ZHX1: variants seen among roughly 807,000 people sequenced by gnomAD.
ZHX1 encodes zinc fingers and homeoboxes 1.
Under a neutral mutation model 61.8 loss-of-function variants are expected in ZHX1, and 20 were observed. That is an observed-to-expected ratio of 0.32 (90% CI 0.23 to 0.47). ZHX1 has a LOEUF of 0.47. Among genes scored for constraint, ZHX1 ranks in the 20% least tolerant of loss-of-function variants. The pLI, the probability that ZHX1 is intolerant of heterozygous loss-of-function variation, is 1.00. For synonymous variants in ZHX1, 318 were observed against 352.6 expected (o/e 0.90, Z 1.10); for missense variants, 800 against 1,034.8 (o/e 0.77, Z 3.11).
rs117783348 is a variant in ZHX1 at position 123,266,375 on chromosome 8, C to T, written c.-226+898G>A. Among the ~76,000 whole-genome samples the T allele has an allele frequency of 1.6e-3, 242 of 152,232 alleles. 2 individuals carry two copies. The highest frequency in any genetic ancestry group is 6.0e-3 in the South Asian group (29 of 4,822). The stretch of plus-strand genomic sequence containing the variant: ...ATGGTAAGGTAACTGTTACCCACTT[C>T]ACTGAGGATATAATGATTTGATTTT... On this transcript the variant is annotated intron_variant, in intron 2 of 3. Transcript: ENST00000395571.
chr8:123,258,640 G>C (rs796848367), intron 2 of ZHX1, among the ~76,000 whole-genome samples: 1 of 152,112 alleles, frequency 6.6e-6, no homozygotes, highest in Admixed American at 6.5e-5. Context: ...TTATTAAATT[G>C]ACTAGAATGA....
Position 123,256,033 on chromosome 8 carries a change from T to A in ZHX1, c.-87A>T. 1 of 1,326,298 alleles carries A rather than the reference T, an allele frequency of 7.5e-7. No homozygotes were observed. Among genetic ancestry groups the A allele is most frequent in the South Asian group, 1.7e-5 (1 of 58,224 alleles). The allele number at this position is 1,326,298 out of a possible 1,614,324, so 82.2% of individuals were successfully genotyped here. A position where few individuals can be genotyped will look rare whatever the true frequency, so the allele number is the denominator to read the frequency against. ...GTGTTCTTCATTTGAAAACAATGGC[T>A]TTTGGTTCTTCAAGTCCATTTTTGT... is the stretch of plus-strand genomic sequence containing the variant. On this transcript the variant is annotated 5_prime_UTR_variant, in exon 3 of 4. It adds an upstream start codon to the 5' untranslated region. Coordinates refer to ENST00000395571, the MANE Select transcript of ZHX1 (RefSeq NM_007222.5).
Position 123,250,162 on chromosome 8 carries a change from T to TGG in ZHX1, c.*161_*162insCC, listed in dbSNP as rs1196745474. Reference sequence around the variant, plus strand: ...TTCCACCAACTGCAGTAGTTTAACTTTGGCACAACATTAAGTTCCATTTCT... The same window carrying TGG: ...TTCCACCAACTGCAGTAGTTTAACTTGGTGGCACAACATTAAGTTCCATTTCT... On this transcript the variant is annotated 3_prime_UTR_variant, in exon 4 of 4. Coordinates refer to ENST00000395571, the MANE Select transcript of ZHX1 (RefSeq NM_007222.5). 1 of 433,476 alleles carries TGG rather than the reference T, an allele frequency of 2.3e-6. No homozygotes were observed. The highest frequency in any genetic ancestry group is 2.0e-5 in the African/African-American group (1 of 48,978). 26.9% of individuals were successfully genotyped at this position (433,476 alleles called of 1,614,324 possible). A position where few individuals can be genotyped will look rare whatever the true frequency, so the allele number is the denominator to read the frequency against.
rs1826041094 is a variant in ZHX1, at chr8:123,255,357, G to A, written c.590C>T (p.Ala197Val). Residue 197 changes from alanine to valine, a missense_variant, in exon 3 of 4, where the codon GCA becomes GTA. Transcript: ENST00000395571. ...GTCCTCAACTGAGTTATGATGAACT[G>A]CAATCCGTTTATTTTCCACTTTATT... ...MKNKVENKRI[A>V]VHHNSVEDVP... The A allele has an allele frequency of 6.2e-7, 1 of 1,613,866 alleles. No homozygotes were observed. The highest frequency in any genetic ancestry group is 2.2e-5 in the East Asian group (1 of 44,886).
chr8:123,252,629 C>G (rs1246994617), intron 3 of ZHX1: 1 of 152,166 alleles, frequency 6.6e-6, no homozygotes, highest in Non-Finnish European at 1.5e-5. Context: ...TTTTCAAAGA[C>G]AGATGCCGCC....
chr8:123,266,647 C>T (rs1406190100), intron 2 of ZHX1, among the ~76,000 whole-genome samples: 1 of 152,022 alleles, frequency 6.6e-6, no homozygotes, highest in Non-Finnish European at 1.5e-5. Context: ...TTTTACGTCA[C>T]ACAGGTAATG....
At chr8:123,273,213 C>T (rs1260685467) in intron 1 of ZHX1, among the ~76,000 whole-genome samples, 1 of 152,164 alleles carries the variant, frequency 6.6e-6, no homozygotes, top group African/African-American at 2.4e-5. Context: ...CAGTTACCCA[C>T]GGAGGAGAGA....
In ZHX1 at chr8:123,273,501, G is replaced by C. The variant is rs145604761; in HGVS notation, c.-340+716C>G. Among the ~76,000 whole-genome samples the C allele has an allele frequency of 2.9e-4, 44 of 152,186 alleles. No individual in the cohort carries two copies. The East Asian group carries it at 6.2e-3, about 21-fold the overall frequency. On this transcript the variant is annotated intron_variant, in intron 1 of 3. Coordinates refer to ENST00000395571, the MANE Select transcript of ZHX1 (RefSeq NM_007222.5). The stretch of plus-strand genomic sequence containing the variant: ...ACTTCTCCCTAAATCCCAGGGCTTC[G>C]TCACAATCGTAATATGGTTCTTAAG...
intron 3 of ZHX1, chr8:123,252,913 T>G (rs1001485701): frequency 6.4e-6 from 1 of 155,554 alleles, no homozygotes; most frequent in African/African-American, 2.4e-5. Context: ...CTTTTTAGTT[T>G]TCATTTTTGA....
chr8:123,251,649 G>C (rs1452572672), intron 3 of ZHX1, among the ~76,000 whole-genome samples: 1 of 152,046 alleles, frequency 6.6e-6, no homozygotes, highest in Non-Finnish European at 1.5e-5. Flanking sequence ...GCACATTCTT[G>C]TGTTTAGCAA....
Position 123,258,664 on chromosome 8 carries a change from C to G in ZHX1, c.-225-2493G>C, listed in dbSNP as rs117305806. ...TGACTAGAATGAAGAGGAAAATAGT[C>G]CTACAAAACTCAACAGGACCTGCAG... On this transcript the variant is annotated intron_variant, in intron 2 of 3. Transcript: ENST00000395571. Among the ~76,000 whole-genome samples the G allele has an allele frequency of 7.9e-5, 12 of 152,150 alleles. No individual in the cohort carries two copies. In the East Asian group the frequency reaches 2.3e-3, roughly 29 times the overall value.
In ZHX1 at chr8:123,253,251, C is replaced by T. The variant is rs1314174428; in HGVS notation, c.*3+71G>A. On this transcript the variant is annotated intron_variant, in intron 3 of 3. Transcript: ENST00000395571. ...ATATCAAAAATGAAGATGACTGATACAACAAGGTGACTGTTCAAAATGTAT... is the reference window on the plus strand; with the variant it reads ...ATATCAAAAATGAAGATGACTGATATAACAAGGTGACTGTTCAAAATGTAT... 6.9e-6 allele frequency: 9 copies of T among 1,299,310 alleles called. 1 individual carries two copies. The South Asian group carries it at 1.2e-4, about 17-fold the overall frequency. 80.5% of individuals were successfully genotyped at this position (1,299,310 alleles called of 1,614,324 possible).
rs1012360824 is a variant in ZHX1 at position 123,248,852 on chromosome 8, T to C, written c.*1472A>G. 6.6e-6 allele frequency: 1 copy of C among 152,430 alleles called. No homozygotes were observed. Among genetic ancestry groups the C allele is most frequent in the Non-Finnish European group, 1.5e-5 (1 of 67,976 alleles). The allele number at this position is 152,430 out of a possible 1,614,324, so 9.4% of individuals were successfully genotyped here. A position where few individuals can be genotyped will look rare whatever the true frequency, so the allele number is the denominator to read the frequency against. On this transcript the variant is annotated 3_prime_UTR_variant, in exon 4 of 4. Transcript: ENST00000395571. Reference sequence around the variant, plus strand: ...TAGTGCATTACGGTCTTTACATTGCTTCTTTTTTAAAAAAGTTAACAGTAG... The same window carrying C: ...TAGTGCATTACGGTCTTTACATTGCCTCTTTTTTAAAAAAGTTAACAGTAG...
chr8:123,260,778 AAGC>A (rs1826224965), intron 2 of ZHX1, among the ~76,000 whole-genome samples: 1 of 151,776 alleles, frequency 6.6e-6, no homozygotes, highest in Non-Finnish European at 1.5e-5. Context: ...GCACTTTGGG[AAGC>A]TGGCAGGGGC....
rs752002112 is a variant in ZHX1 at position 123,254,518 on chromosome 8, C to G, written c.1429G>C (p.Ala477Pro). ...IRAKKTKEQL[A>P]ELKVSYLKNQ... ...TTAAGGTAGCTAACTTTTAATTCTG[C>G]CAGTTGCTCTTTTGTCTTTTTTGCC... Residue 477 changes from alanine to proline, a missense_variant, in exon 3 of 4, where the codon GCA (alanine) becomes CCA (proline). By Grantham distance (27) the Ala-to-Pro change is conservative (BLOSUM62 -1). Coordinates refer to ENST00000395571, the MANE Select transcript of ZHX1 (RefSeq NM_007222.5). This position sits in a 1 kb window ranked among gnomAD's most constrained non-coding sequence, Gnocchi z 4.1. 1.9e-6 allele frequency: 3 copies of G among 1,613,686 alleles called. No individual in the cohort carries two copies. In the East Asian group the frequency reaches 6.7e-5, roughly 36 times the overall value.
At position 123,253,436 on chromosome 8, in the gene ZHX1, C is replaced by T. The variant is rs34145851; in HGVS notation, c.2511G>A (p.Glu837=). 2.4e-3 allele frequency: 3,827 copies of T among 1,613,956 alleles called. 70 individuals are homozygous for T. In the African/African-American group the frequency reaches 0.046, roughly 19 times the overall value. Residue 837 remains glutamate (E), a synonymous_variant, in exon 3 of 4, where the codon GAG becomes GAA. Coordinates refer to ENST00000395571, the MANE Select transcript of ZHX1 (RefSeq NM_007222.5). ...LGIELFEENE[E]EDEVIDDQEE... ...CCTGGTCATCAATAACTTCATCTTCCTCCTCATTTTCCTCAAATAATTCTA... is the reference window on the plus strand; with the variant it reads ...CCTGGTCATCAATAACTTCATCTTCTTCCTCATTTTCCTCAAATAATTCTA...
chr8:123,259,285 T>C (rs975227543), intron 2 of ZHX1, among the ~76,000 whole-genome samples: 2 of 152,348 alleles, frequency 1.3e-5, no homozygotes, highest in East Asian at 3.9e-4. Flanking sequence ...ACACTCTTGA[T>C]TTCTAAGATA....
chr8:123,273,598 G>A (rs1826734485), intron 1 of ZHX1, among the ~76,000 whole-genome samples: 1 of 152,200 alleles, frequency 6.6e-6, no homozygotes, highest in African/African-American at 2.4e-5. Context: ...AGCCTTCCTT[G>A]AACTGGAGGT....
chr8:123,256,089 T>C lies in ZHX1; in HGVS notation c.-143A>G, dbSNP rs1017702933. ...ACAAGTCTCATTAGCAGCTTTCTCATGGTGCAATCAAGTAAAGAGCTTATT... is the reference window on the plus strand; with the variant it reads ...ACAAGTCTCATTAGCAGCTTTCTCACGGTGCAATCAAGTAAAGAGCTTATT... On this transcript the variant is annotated 5_prime_UTR_variant, in exon 3 of 4. The change abolishes an upstream ATG in the 5' untranslated region. Coordinates refer to ENST00000395571, the MANE Select transcript of ZHX1 (RefSeq NM_007222.5). The C allele has an allele frequency of 1.2e-5, 8 of 657,936 alleles. No individual in the cohort carries two copies. In the African/African-American group the frequency reaches 1.3e-4, roughly 11 times the overall value. The allele number at this position is 657,936 out of a possible 1,614,324, so 40.8% of individuals were successfully genotyped here.
Sources: gnomAD v4.1 joint callset for allele counts (sites outside exome capture counted in the v4.1 genomes callset) on GRCh38, gnomAD v4.1.1 for gene constraint, Gnocchi (gnomAD v3.1) non-coding constraint, MANE v1.5 for transcripts, NCBI Gene and HGNC (gene_info 2026-07-23, HGNC 2026-07-21) for gene names.